Variants in ZFTRAF1 observed in about 807,000 individuals in gnomAD.
The protein encoded by ZFTRAF1 is zinc finger TRAF-type-containing protein 1.
the ZFTRAF1 span, chr8:144,453,188 C>T: frequency 9.8e-6 from 15 of 1,536,888 alleles, no homozygotes; most frequent in African/African-American, 6.9e-5. Context: ...TCCTGGGCCC[C>T]GCCTGTAAGG....
At chr8:144,462,738 T>G in the ZFTRAF1 span, 2 of 139,102 alleles carry the variant, frequency 1.4e-5, no homozygotes, top group Non-Finnish European at 3.2e-5. Flanking sequence ...GCCGCTCTCC[T>G]GCCGCCGCCG....
the ZFTRAF1 span, chr8:144,450,730 C>T: frequency 1.1e-5 from 8 of 711,310 alleles, no homozygotes; most frequent in Admixed American, 4.0e-5. Context: ...AGTACAGGCG[C>T]GTGATGAAGT....
At chr8:144,460,756 G>A in the ZFTRAF1 span, among the ~76,000 whole-genome samples, 6 of 152,172 alleles carry the variant, frequency 3.9e-5, no homozygotes, top group Non-Finnish European at 5.9e-5. Flanking sequence ...GGTGGCAGGC[G>A]CCTGTAATCC....
At chr8:144,454,949 CCT>C in the ZFTRAF1 span, 3 of 152,398 alleles carry the variant, frequency 2.0e-5, no homozygotes, top group East Asian at 5.8e-4. Flanking sequence ...AGGACAAAGC[CCT>C]CTTTCATGGA....
At chr8:144,452,056 A>C in the ZFTRAF1 span, 1 of 443,936 alleles carries the variant, frequency 2.3e-6, no homozygotes. Flanking sequence ...GAGGCTCTGG[A>C]GCCCCACAGT....
the ZFTRAF1 span, among the ~76,000 whole-genome samples, chr8:144,458,103 G>C: frequency 4.6e-5 from 7 of 152,226 alleles, no homozygotes; most frequent in Non-Finnish European, 1.0e-4. Flanking sequence ...CTAACCTCCC[G>C]AATCAAACAT....
At chr8:144,455,298 G>C in the ZFTRAF1 span, 1 of 152,230 alleles carries the variant, frequency 6.6e-6, no homozygotes, top group East Asian at 1.9e-4. Context: ...CTGGGAGACA[G>C]AGTGAGACTC....
chr8:144,458,728 G>A, the ZFTRAF1 span, among the ~76,000 whole-genome samples: 1 of 152,224 alleles, frequency 6.6e-6, no homozygotes, highest in Admixed American at 6.5e-5. Flanking sequence ...TGGGGCAGGA[G>A]GGGATCCTTG....
the ZFTRAF1 span, among the ~76,000 whole-genome samples, chr8:144,459,023 GAC>G: frequency 6.6e-6 from 1 of 152,274 alleles, no homozygotes; most frequent in Admixed American, 6.5e-5. Context: ...GGCCTCATCT[GAC>G]AGCAGCAGGA....
At chr8:144,462,076 A>T in the ZFTRAF1 span, among the ~76,000 whole-genome samples, 1 of 152,214 alleles carries the variant, frequency 6.6e-6, no homozygotes, top group Non-Finnish European at 1.5e-5. Flanking sequence ...CCCGAGCGGA[A>T]AATAAAGCCC....
chr8:144,452,844 C>A, the ZFTRAF1 span, among the ~76,000 whole-genome samples: 1 of 152,184 alleles, frequency 6.6e-6, no homozygotes, highest in African/African-American at 2.4e-5. Context: ...CAGTGGTGGT[C>A]CTGCACAGCC....
At chr8:144,452,173 C>A in the ZFTRAF1 span, 1 of 735,530 alleles carries the variant, frequency 1.4e-6, no homozygotes, top group South Asian at 1.5e-5. Flanking sequence ...TCGGCCCCTC[C>A]TTCCACTCAG....
the ZFTRAF1 span, chr8:144,452,162 C>T: frequency 3.7e-5 from 26 of 694,648 alleles, no homozygotes; most frequent in Middle Eastern, 1.2e-3. Context: ...TGGGGTCTGC[C>T]TCGGCCCCTC....
chr8:144,455,233 C>G, the ZFTRAF1 span: 3 of 152,126 alleles, frequency 2.0e-5, no homozygotes, highest in Non-Finnish European at 4.4e-5. Context: ...GAGAATGGCT[C>G]GAACCCGGGA....
chr8:144,453,236 C>T, the ZFTRAF1 span: 3 of 1,550,914 alleles, frequency 1.9e-6, no homozygotes, highest in Non-Finnish European at 2.6e-6. Context: ...CCTGGCATTC[C>T]TCTTTCTGGT....
chr8:144,449,973 T>G, the ZFTRAF1 span: 1 of 212,536 alleles, frequency 4.7e-6, no homozygotes, highest in African/African-American at 2.3e-5. Context: ...GATATTCGGA[T>G]ATCCCGTCTG....
chr8:144,450,778 G>T, the ZFTRAF1 span: 2 of 690,122 alleles, frequency 2.9e-6, no homozygotes, highest in South Asian at 3.0e-5. Context: ...CCTCTGTGGA[G>T]ACAGACAGGG....
the ZFTRAF1 span, chr8:144,455,067 C>T: frequency 1.3e-5 from 2 of 152,362 alleles, no homozygotes; most frequent in Admixed American, 1.3e-4. Flanking sequence ...GTAATCCCAG[C>T]ACTTTGGAAG....
At chr8:144,450,219 C>T in the ZFTRAF1 span, 9 of 590,580 alleles carry the variant, frequency 1.5e-5, no homozygotes, top group Middle Eastern at 1.4e-3. Context: ...GCGGGGGCCC[C>T]GTCGCGCACG....
Sources: gnomAD v4.1 joint callset for allele counts (sites outside exome capture counted in the v4.1 genomes callset) on GRCh38, gnomAD v4.1.1 for gene constraint, MANE v1.5 for transcripts, NCBI Gene and HGNC (gene_info 2026-07-23, HGNC 2026-07-21) for gene names.